ADAM18: variants seen among roughly 807,000 people sequenced by gnomAD.
ADAM18 encodes the protein ADAM metallopeptidase domain 18.
ADAM18 carries 117 observed loss-of-function variants against 94.4 expected under a neutral mutation model. The ratio of observed to expected loss-of-function variants is 1.24; its 90% CI spans 1.07 to 1.45. The LOEUF is 1.45. Ranked by LOEUF, ADAM18 falls within the 40% of genes most tolerant of loss-of-function variation. The probability of loss-of-function intolerance (pLI) is 0.00; values close to 1 mark genes in which losing one functional copy is unlikely to be tolerated. For missense variants in ADAM18, 936 were observed against 880.0 expected (o/e 1.06, Z -0.81); for synonymous variants, 327 against 291.6 (o/e 1.12, Z -1.24).
chr8:39,649,025 A>G (rs1563290492), intron 12 of ADAM18, among the ~76,000 whole-genome samples: 1 of 152,106 alleles, frequency 6.6e-6, no homozygotes, highest in Non-Finnish European at 1.5e-5. Context: ...TATATACCCG[A>G]TTATAATTTC....
chr8:39,590,420 C>T (rs1818537622), intron 2 of ADAM18, among the ~76,000 whole-genome samples: 1 of 152,080 alleles, frequency 6.6e-6, no homozygotes, highest in African/African-American at 2.4e-5. Flanking sequence ...CAACATCACA[C>T]TCTGGGGACT....
At chr8:39,705,034 A>C (rs1303657323) in intron 17 of ADAM18, among the ~76,000 whole-genome samples, 1 of 152,180 alleles carries the variant, frequency 6.6e-6, no homozygotes, top group Non-Finnish European at 1.5e-5. Flanking sequence ...ATGGTCTTCC[A>C]TATAAATGAC....
intron 7 of ADAM18, among the ~76,000 whole-genome samples, chr8:39,632,447 T>C (rs1819955356): frequency 6.6e-6 from 1 of 152,100 alleles, no homozygotes; most frequent in African/African-American, 2.4e-5. Flanking sequence ...CAAATTTTTT[T>C]TCTGCTCTTA....
At chr8:39,628,534 A>T (rs1186716772) in intron 6 of ADAM18, among the ~76,000 whole-genome samples, 2 of 151,674 alleles carry the variant, frequency 1.3e-5, no homozygotes, top group African/African-American at 4.8e-5. Context: ...TTAAACAGAG[A>T]CTCTATCCAG....
chr8:39,704,862 A>G (rs1422041537), intron 17 of ADAM18, among the ~76,000 whole-genome samples: 5 of 152,090 alleles, frequency 3.3e-5, no homozygotes, highest in African/African-American at 7.2e-5. Flanking sequence ...AGTTAAAAGT[A>G]TAATATATTT....
At chr8:39,708,486 G>A (rs767401505) in intron 18 of ADAM18, among the ~76,000 whole-genome samples, 1 of 152,134 alleles carries the variant, frequency 6.6e-6, no homozygotes, top group Non-Finnish European at 1.5e-5. Flanking sequence ...GAAAAACATG[G>A]CAAAATATAA....
intron 2 of ADAM18, among the ~76,000 whole-genome samples, chr8:39,600,316 G>A (rs1172063778): frequency 1.3e-5 from 2 of 152,084 alleles, no homozygotes; most frequent in Admixed American, 6.5e-5. Flanking sequence ...TTAGAAGTGA[G>A]TTATTTAATA....
intron 19 of ADAM18, among the ~76,000 whole-genome samples, chr8:39,729,575 T>C (rs1359528970): frequency 6.6e-6 from 1 of 152,176 alleles, no homozygotes; most frequent in Non-Finnish European, 1.5e-5. Flanking sequence ...TGATTGTTTT[T>C]ACATAGTCAT....
At chr8:39,600,218 A>G (rs1193319104) in intron 2 of ADAM18, among the ~76,000 whole-genome samples, 1 of 152,128 alleles carries the variant, frequency 6.6e-6, no homozygotes, top group East Asian at 1.9e-4. Flanking sequence ...TCTGCAGGCC[A>G]CAAAGTTTTA....
intron 18 of ADAM18, among the ~76,000 whole-genome samples, chr8:39,708,890 C>T (rs1274478005): frequency 1.3e-5 from 2 of 152,218 alleles, no homozygotes; most frequent in Admixed American, 1.3e-4. Flanking sequence ...AAACACAGTG[C>T]GGGCCCTGCG....
chr8:39,728,386 A>G (rs906440793), intron 19 of ADAM18, among the ~76,000 whole-genome samples: 1 of 152,202 alleles, frequency 6.6e-6, no homozygotes, highest in African/African-American at 2.4e-5. Flanking sequence ...TAATAAAATC[A>G]TGAGTAACTG....
chr8:39,672,280 G>A (rs1180836114), intron 14 of ADAM18, among the ~76,000 whole-genome samples: 1 of 152,156 alleles, frequency 6.6e-6, no homozygotes, highest in Non-Finnish European at 1.5e-5. Flanking sequence ...AAATTTCAAA[G>A]ATGGCTTCCT....
At chr8:39,722,495 G>GTT (rs1239878265) in intron 18 of ADAM18, among the ~76,000 whole-genome samples, 1 of 151,034 alleles carries the variant, frequency 6.6e-6, no homozygotes, top group Admixed American at 6.6e-5. Context: ...AACATTCACA[G>GTT]TGGAATAATA....
intron 12 of ADAM18, among the ~76,000 whole-genome samples, chr8:39,657,292 C>T (rs562463280): frequency 1.3e-5 from 2 of 152,156 alleles, no homozygotes; most frequent in East Asian, 1.9e-4. Flanking sequence ...TTAGTAGTCA[C>T]TAAAAAGGTC....
chr8:39,584,646 C>T lies in ADAM18; in HGVS notation c.24C>T (p.Leu8=), dbSNP rs200323201. The part of the protein sequence containing the change: MFLLLAL[L]TELGRLQAHE... ...CCATGTTCCTTCTCCTCGCCCTCCT[C>T]ACTGAGCTTGGAAGACTGCAAGCCC... Residue 8 remains leucine (L), a synonymous_variant, in exon 1 of 20, where the codon CTC becomes CTT. Coordinates refer to ENST00000265707, the MANE Select transcript of ADAM18 (RefSeq NM_014237.3). 13 of 1,613,426 alleles carry T rather than the reference C, an allele frequency of 8.1e-6. No homozygotes were observed. In the Admixed American group the frequency reaches 2.2e-4, roughly 27 times the overall value.
At chr8:39,641,722 T>G (rs1204135229) in intron 10 of ADAM18, among the ~76,000 whole-genome samples, 1 of 152,064 alleles carries the variant, frequency 6.6e-6, no homozygotes, top group Non-Finnish European at 1.5e-5. Context: ...ATCTCATTCT[T>G]TTTTATGGCC....
In ADAM18 at chr8:39,610,651, A is replaced by G. The variant is rs151185191; in HGVS notation, c.467A>G (p.Asn156Ser). 22 of 1,613,162 alleles carry G rather than the reference A, an allele frequency of 1.4e-5. No homozygotes were observed. Among genetic ancestry groups the G allele is most frequent in the Admixed American group, 1.0e-4 (6 of 59,982 alleles). ...CCAAATGTATCCATTTTAGCAGTAA[A>G]TTACAGTCATATTTGGCAGAAAGAC... ...NDPNVSILAV[N>S]YSHIWQKDQP... Residue 156 changes from asparagine to serine, a missense_variant, in exon 6 of 20, where the codon AAT becomes AGT. Asn to Ser is a conservative substitution (Grantham distance 46, BLOSUM62 1). Coordinates refer to ENST00000265707, the MANE Select transcript of ADAM18 (RefSeq NM_014237.3).
intron 18 of ADAM18, among the ~76,000 whole-genome samples, chr8:39,711,923 T>C (rs550390777): frequency 6.6e-6 from 1 of 150,902 alleles, no homozygotes; most frequent in South Asian, 2.1e-4. Context: ...CTTAATGAAC[T>C]GCAAACAGGA....
chr8:39,637,200 A>C (rs929471867), intron 7 of ADAM18, 64 bp from the exon 8 acceptor site: 2 of 1,277,158 alleles, frequency 1.6e-6, no homozygotes, highest in African/African-American at 1.5e-5. Context: ...ACAATGCCTA[A>C]ATATCATTTC....
Sources: gnomAD v4.1 joint callset for allele counts (sites outside exome capture counted in the v4.1 genomes callset) on GRCh38, gnomAD v4.1.1 for gene constraint, MANE v1.5 for transcripts, NCBI Gene and HGNC (gene_info 2026-07-23, HGNC 2026-07-21) for gene names.